APOL3: variants seen among roughly 807,000 people sequenced by gnomAD.
The protein encoded by APOL3 is apolipoprotein L3, also known as TNF-inducible protein CG12-1.
In APOL3, 14 loss-of-function variants were observed where a neutral mutation model predicts 11.6. The ratio of observed to expected loss-of-function variants is 1.21; its 90% CI spans 0.80 to 1.89. The LOEUF is 1.89. Ranked by LOEUF, APOL3 falls within the 40% of genes most tolerant of loss-of-function variation. The probability of loss-of-function intolerance (pLI) is 0.00; values close to 1 mark genes in which losing one functional copy is unlikely to be tolerated. For synonymous variants in APOL3, 192 were observed against 190.6 expected (o/e 1.01, Z -0.06); for missense variants, 483 against 492.1 (o/e 0.98, Z 0.17).
At chr22:36,145,580 T>C (rs1342837913) in exon 2 of APOL3, 1 of 1,613,842 alleles carries the variant, frequency 6.2e-7, no homozygotes, top group South Asian at 1.1e-5. Context: ...TGGTGGCCTC[T>C]TCAGTAAAGC....
At chr22:36,154,567 G>A in intron 1 of APOL3, 1 of 468,742 alleles carries the variant, frequency 2.1e-6, no homozygotes, top group South Asian at 1.6e-5. Context: ...TGAGAATGAA[G>A]GAAGAGCTGC....
chr22:36,149,343 C>T (rs1180562006), intron 1 of APOL3: 4 of 1,306,442 alleles, frequency 3.1e-6, no homozygotes, highest in East Asian at 1.1e-4. Flanking sequence ...TCTGCCCTCA[C>T]TCTCACACCA....
chr22:36,161,575 T>C (rs6000157), upstream of APOL3: 41,909 of 153,212 alleles, frequency 0.27, 5,895 homozygotes, highest in Non-Finnish European at 0.3. Context: ...TCTATCAGAA[T>C]GCAAATCTAG....
At chr22:36,159,239 C>G (rs1168938333) in intron 1 of APOL3, 1 of 152,234 alleles carries the variant, frequency 6.6e-6, no homozygotes, top group Non-Finnish European at 1.5e-5. Flanking sequence ...CTGACTCGCA[C>G]TGCCCCGCCT....
chr22:36,153,869 C>T (rs1041556131), intron 1 of APOL3, among the ~76,000 whole-genome samples: 5 of 152,190 alleles, frequency 3.3e-5, no homozygotes, highest in African/African-American at 9.7e-5. Flanking sequence ...CAATTAAGTA[C>T]ACTTGAGAAA....
chr22:36,156,642 G>A, intron 1 of APOL3: 1 of 218,152 alleles, frequency 4.6e-6, no homozygotes, highest in Non-Finnish European at 9.8e-6. Context: ...CCCACCATGT[G>A]CAAGTCACCC....
exon 3 of APOL3, chr22:36,141,846 T>C: frequency 6.2e-7 from 1 of 1,614,222 alleles, no homozygotes; most frequent in Non-Finnish European, 8.5e-7. Flanking sequence ...GGACACCACA[T>C]TGGAGATGGT....
chr22:36,141,055 T>A (rs1474712806), exon 3 of APOL3: 1 of 1,233,660 alleles, frequency 8.1e-7, no homozygotes, highest in Non-Finnish European at 1.1e-6. Context: ...CCTCCCCTGC[T>A]GTGCTCAGCT....
intron 1 of APOL3, among the ~76,000 whole-genome samples, chr22:36,154,222 C>G (rs1014947660): frequency 6.6e-6 from 1 of 152,126 alleles, no homozygotes; most frequent in Non-Finnish European, 1.5e-5. Context: ...ATTTTAAGAG[C>G]CCTGGCTGAG....
At chr22:36,156,508 C>T (rs923342317) in intron 1 of APOL3, among the ~76,000 whole-genome samples, 1 of 152,182 alleles carries the variant, frequency 6.6e-6, no homozygotes, top group African/African-American at 2.4e-5. Context: ...CACCTTGGGT[C>T]CAGGTACACA....
intron 1 of APOL3, chr22:36,149,078 A>G: frequency 7.3e-7 from 1 of 1,368,420 alleles, no homozygotes; most frequent in Non-Finnish European, 9.8e-7. Context: ...CAGGTCACTG[A>G]GAGACTTTCC....
intron 1 of APOL3, chr22:36,153,536 C>T: frequency 2.5e-6 from 1 of 397,418 alleles, no homozygotes; most frequent in South Asian, 1.8e-5. Context: ...CACCTTGCCA[C>T]TCAACATACG....
At chr22:36,152,849 C>T (rs552312574) in intron 1 of APOL3, among the ~76,000 whole-genome samples, 1 of 152,196 alleles carries the variant, frequency 6.6e-6, no homozygotes, top group African/African-American at 2.4e-5. Flanking sequence ...TGGTTCACAT[C>T]TGTAATCCCA....
chr22:36,142,385 G>T (rs957319506), intron 2 of APOL3, among the ~76,000 whole-genome samples: 2 of 152,178 alleles, frequency 1.3e-5, no homozygotes, highest in African/African-American at 4.8e-5. Flanking sequence ...GTGGAGAGGG[G>T]AAATTTTGTA....
intron 1 of APOL3, among the ~76,000 whole-genome samples, chr22:36,151,690 CATGCCT>C (rs2011702476): frequency 6.6e-6 from 1 of 152,208 alleles, no homozygotes. Flanking sequence ...CATGGTGGCT[CATGCCT>C]ATAACCCCAT....
exon 1 of APOL3, chr22:36,160,912 T>G: frequency 6.2e-7 from 1 of 1,608,536 alleles, no homozygotes; most frequent in Non-Finnish European, 8.5e-7. Context: ...GCAGCACCCT[T>G]GGTCCCACCC....
chr22:36,165,337 A>G (rs1291762740), upstream of APOL3: 1 of 152,144 alleles, frequency 6.6e-6, no homozygotes, highest in Non-Finnish European at 1.5e-5. Context: ...GAAATTGATG[A>G]GCTTTTAATT....
At chr22:36,160,864 C>T (rs1337617727) in exon 1 of APOL3, 1 of 1,613,326 alleles carries the variant, frequency 6.2e-7, no homozygotes, top group East Asian at 2.2e-5. Flanking sequence ...CAGGATGCTT[C>T]CCAGCCCCAC....
At position 36,145,980 on chromosome 22, in the gene APOL3, T is replaced by TTCTC. The variant is rs71193207; in HGVS notation, c.224-385_224-382dup. Among the ~76,000 whole-genome samples, 247 of 118,748 alleles carry TTCTC rather than the reference T, an allele frequency of 2.1e-3. 1 individual carries two copies. The highest frequency in any genetic ancestry group is 6.2e-3 in the African/African-American group (214 of 34,774). 77.9% of individuals were successfully genotyped at this position (118,748 alleles called of 152,430 possible). A position where few individuals can be genotyped will look rare whatever the true frequency, so the allele number is the denominator to read the frequency against. On this transcript the variant is annotated intron_variant, in intron 1 of 2. Transcript: ENST00000349314. ...TCCAGCCCTCTCTCCCTGTCTCTCT[T>TTCTC]TCTCTCTCTCTCTCTCTCTCTCACA...
Sources: gnomAD v4.1 joint callset for allele counts (sites outside exome capture counted in the v4.1 genomes callset) on GRCh38, gnomAD v4.1.1 for gene constraint, MANE v1.5 for transcripts, NCBI Gene and HGNC (gene_info 2026-07-23, HGNC 2026-07-21) for gene names.